SH3BGRL3: variants seen among roughly 807,000 people sequenced by gnomAD.
The protein encoded by SH3BGRL3 is SH3 domain-binding glutamic acid-rich-like protein 3.
In SH3BGRL3, 8 loss-of-function variants were observed where a neutral mutation model predicts 11.9. The ratio of observed to expected loss-of-function variants is 0.67; its 90% CI spans 0.40 to 1.22. The LOEUF (loss-of-function observed/expected upper bound fraction) is 1.22, where lower values mean the gene tolerates loss of function less well. SH3BGRL3 is among the 50% of genes most tolerant of loss of function. SH3BGRL3 has a pLI of 0.01. For missense variants in SH3BGRL3, 119 were observed against 120.1 expected (o/e 0.99, Z 0.04); for synonymous variants, 55 against 52.3 (o/e 1.05, Z -0.22).
At chr1:26,280,710 TC>T in intron 1 of SH3BGRL3, 54 bp from the exon 2 acceptor site, 2 of 1,595,126 alleles carry the variant, frequency 1.3e-6, no homozygotes, top group South Asian at 1.1e-5. Flanking sequence ...GCCCAGCATT[TC>T]CCCCATAAAT....
Position 26,280,091 on chromosome 1 carries a change from C to T in SH3BGRL3, c.-65C>T. 1 of 1,536,500 alleles carries T rather than the reference C, an allele frequency of 6.5e-7. No homozygotes were observed. The highest frequency in any genetic ancestry group is 8.8e-7 in the Non-Finnish European group (1 of 1,136,712). Reference sequence around the variant, plus strand: ...CTCCCGAGCACGGCGGCGGCGTCGTCTCCCGGCAGTGCAGCTGCCGCTACC... The same window carrying T: ...CTCCCGAGCACGGCGGCGGCGTCGTTTCCCGGCAGTGCAGCTGCCGCTACC... On this transcript the variant is annotated 5_prime_UTR_variant, in exon 1 of 3. Transcript: ENST00000270792.
In SH3BGRL3 at chr1:26,280,941, TGGGGGAC is replaced by T; in HGVS notation, c.216+15_216+21del. On this transcript the variant is annotated intron_variant, in intron 2 of 2. Transcript: ENST00000270792. ...GGGACCAGTACTGTGGGGTATGGGC[TGGGGGAC>T]GGGGGGGTGGGGGGAGTGTTGGAAG... 2 of 580,554 alleles carry T rather than the reference TGGGGGAC, an allele frequency of 3.4e-6. No homozygotes were observed. The highest frequency in any genetic ancestry group is 6.4e-6 in the Non-Finnish European group (2 of 314,932). The allele number at this position is 580,554 out of a possible 1,614,324, so 36.0% of individuals were successfully genotyped here. A position where few individuals can be genotyped will look rare whatever the true frequency, so the allele number is the denominator to read the frequency against.
At position 26,280,949 on chromosome 1, in the gene SH3BGRL3, G is replaced by T. The variant is rs140695506; in HGVS notation, c.216+17G>T. On this transcript the variant is annotated intron_variant, in intron 2 of 2. Coordinates refer to ENST00000270792, the MANE Select transcript of SH3BGRL3 (RefSeq NM_031286.4). Reference sequence around the variant, plus strand: ...TACTGTGGGGTATGGGCTGGGGGACGGGGGGGTGGGGGGAGTGTTGGAAGA... The same window carrying T: ...TACTGTGGGGTATGGGCTGGGGGACTGGGGGGTGGGGGGAGTGTTGGAAGA... The T allele has an allele frequency of 1.3e-6, 2 of 1,585,584 alleles. No homozygotes were observed. Among genetic ancestry groups the T allele is most frequent in the East Asian group, 2.3e-5 (1 of 44,304 alleles).
chr1:26,280,355 C>G, intron 1 of SH3BGRL3, 152 bp downstream of exon 1: 1 of 999,504 alleles, frequency 1.0e-6, no homozygotes, highest in Admixed American at 3.3e-5. Context: ...GACCCGGTCC[C>G]GAGGCCCCAT....
Position 26,281,118 on chromosome 1 carries a change from G to A in SH3BGRL3, c.277G>A (p.Ala93Thr). ...QNTLQEFLKLA is the reference protein window; with the variant it reads ...QNTLQEFLKLT ...CACGCTGCAGGAGTTCCTGAAGCTG[G>A]CTTGAGTCAAGCCTGTCCAGAGTTC... The change falls in exon 3 of 3, where the codon GCT becomes ACT. Residue 93 changes from alanine to threonine, a missense_variant. Physicochemically the swap from Ala to Thr is moderately conservative, Grantham distance 58 (BLOSUM62 0). Coordinates refer to ENST00000270792, the MANE Select transcript of SH3BGRL3 (RefSeq NM_031286.4). 2.5e-6 allele frequency: 4 copies of A among 1,613,720 alleles called. No homozygotes were observed. The highest frequency in any genetic ancestry group is 3.4e-6 in the Non-Finnish European group (4 of 1,179,902).
chr1:26,280,698 C>T, intron 1 of SH3BGRL3, 67 bp from the exon 2 acceptor site: 2 of 1,578,546 alleles, frequency 1.3e-6, no homozygotes, highest in Admixed American at 3.4e-5. Context: ...CTCTCTCACC[C>T]TGCCCAGCAT....
Position 26,281,135 on chromosome 1 carries a change from C to G in SH3BGRL3, c.*12C>G, listed in dbSNP as rs1461587367. ...TGAAGCTGGCTTGAGTCAAGCCTGTCCAGAGTTCCCCTGCTGGACTCCATC... is the reference window on the plus strand; with the variant it reads ...TGAAGCTGGCTTGAGTCAAGCCTGTGCAGAGTTCCCCTGCTGGACTCCATC... On this transcript the variant is annotated 3_prime_UTR_variant, in exon 3 of 3. Coordinates refer to ENST00000270792, the MANE Select transcript of SH3BGRL3 (RefSeq NM_031286.4). 1 of 1,612,616 alleles carries G rather than the reference C, an allele frequency of 6.2e-7. No individual in the cohort carries two copies. The highest frequency in any genetic ancestry group is 1.7e-5 in the Admixed American group (1 of 59,920).
chr1:26,281,062 A>AT lies in SH3BGRL3; in HGVS notation c.222dup (p.Glu75Ter), dbSNP rs1179774098. The stretch of plus-strand genomic sequence containing the variant: ...CCCTCGCCTCCCCTTCTCCAGGACT[A>AT]TGAGCTCTTCGTGGAGGCTGTGGAA... On this transcript the variant is annotated frameshift_variant, in exon 3 of 3. Transcript: ENST00000270792. LOFTEE classifies it high-confidence loss of function. 6.2e-7 allele frequency: 1 copy of AT among 1,614,002 alleles called. No homozygotes were observed. The highest frequency in any genetic ancestry group is 1.1e-5 in the South Asian group (1 of 91,072).
At chr1:26,280,692 C>T (rs1236355662) in intron 1 of SH3BGRL3, 73 bp from the exon 2 acceptor site, 4 of 1,565,966 alleles carry the variant, frequency 2.6e-6, no homozygotes, top group East Asian at 2.2e-5. Context: ...CACAGCCTCT[C>T]TCACCCTGCC....
intron 1 of SH3BGRL3, 80 bp from the exon 2 acceptor site, chr1:26,280,685 A>T (rs2072969000): frequency 1.9e-6 from 3 of 1,540,242 alleles, no homozygotes; most frequent in Non-Finnish European, 1.8e-6. Context: ...TCCTGGTCAC[A>T]GCCTCTCTCA....
Position 26,281,169 on chromosome 1 carries a change from C to A in SH3BGRL3, c.*46C>A, listed in dbSNP as rs765354214. 2 of 1,576,342 alleles carry A rather than the reference C, an allele frequency of 1.3e-6. No homozygotes were observed. Among genetic ancestry groups the A allele is most frequent in the African/African-American group, 1.3e-5 (1 of 74,224 alleles). The stretch of plus-strand genomic sequence containing the variant: ...CCCTGCTGGACTCCATCACCACACT[C>A]CCCCCAGCCTTCACCTGGCCATGAA... On this transcript the variant is annotated 3_prime_UTR_variant, in exon 3 of 3. Coordinates refer to ENST00000270792, the MANE Select transcript of SH3BGRL3 (RefSeq NM_031286.4).
At chr1:26,280,607 A>G (rs1364658942) in intron 1 of SH3BGRL3, among the ~76,000 whole-genome samples, 158 bp from the exon 2 acceptor site, 1 of 149,110 alleles carries the variant, frequency 6.7e-6, no homozygotes, top group East Asian at 2.0e-4. Flanking sequence ...CTCAAGCCTG[A>G]CTCATCCTCC....
Position 26,280,128 on chromosome 1 carries a change from C to T in SH3BGRL3, c.-28C>T, listed in dbSNP as rs1227119990. On this transcript the variant is annotated 5_prime_UTR_variant, in exon 1 of 3. Transcript: ENST00000270792. Reference sequence around the variant, plus strand: ...CAGCTGCCGCTACCGCCGCCCTCTGCCCGCCGGCCCGTCTGTCTACCCCCA... The same window carrying T: ...CAGCTGCCGCTACCGCCGCCCTCTGTCCGCCGGCCCGTCTGTCTACCCCCA... The T allele has an allele frequency of 2.6e-6, 4 of 1,555,430 alleles. No homozygotes were observed. In the East Asian group the frequency reaches 9.7e-5, roughly 38 times the overall value.
rs2072976397 is a variant in SH3BGRL3 at position 26,281,061 on chromosome 1, T to C, written c.220T>C (p.Tyr74His). Reference sequence around the variant, plus strand: ...CCCCTCGCCTCCCCTTCTCCAGGACTATGAGCTCTTCGTGGAGGCTGTGGA... The same window carrying C: ...CCCCTCGCCTCCCCTTCTCCAGGACCATGAGCTCTTCGTGGAGGCTGTGGA... Reference protein sequence around the residue: ...IVNGDQYCGDYELFVEAVEQN... With the variant: ...IVNGDQYCGDHELFVEAVEQN... Residue 74 changes from tyrosine to histidine, a missense_variant, in exon 3 of 3, where the codon TAT becomes CAT. Tyr to His is a moderately conservative substitution (Grantham distance 83). Transcript: ENST00000270792. 6.2e-7 allele frequency: 1 copy of C among 1,613,912 alleles called. No homozygotes were observed. The highest frequency in any genetic ancestry group is 1.7e-5 in the Admixed American group (1 of 59,990).
intron 2 of SH3BGRL3, 24 bp from the exon 3 acceptor site, chr1:26,281,034 C>G: frequency 6.2e-7 from 1 of 1,612,992 alleles, no homozygotes; most frequent in Middle Eastern, 1.7e-4. Flanking sequence ...TTCAGGTGAC[C>G]ACCCCTCGCC....
chr1:26,281,276 C>G lies in SH3BGRL3; in HGVS notation c.*153C>G. ...ATGCAGGCCACTTCTCCTCCCTCCTCTCTAAATGTAGTCCCCTCTCCTCCA... is the reference window on the plus strand; with the variant it reads ...ATGCAGGCCACTTCTCCTCCCTCCTGTCTAAATGTAGTCCCCTCTCCTCCA... On this transcript the variant is annotated 3_prime_UTR_variant, in exon 3 of 3. Coordinates refer to ENST00000270792, the MANE Select transcript of SH3BGRL3 (RefSeq NM_031286.4). The G allele has an allele frequency of 1.5e-6, 1 of 652,572 alleles. No individual in the cohort carries two copies. The highest frequency in any genetic ancestry group is 2.6e-6 in the Non-Finnish European group (1 of 379,130). 40.4% of individuals were successfully genotyped at this position (652,572 alleles called of 1,614,324 possible).
Position 26,281,315 on chromosome 1 carries a change from T to G in SH3BGRL3, c.*192T>G. 4 of 551,816 alleles carry G rather than the reference T, an allele frequency of 7.2e-6. No individual in the cohort carries two copies. The highest frequency in any genetic ancestry group is 3.2e-5 in the Admixed American group (1 of 31,178). The allele number at this position is 551,816 out of a possible 1,614,324, so 34.2% of individuals were successfully genotyped here. A position where few individuals can be genotyped will look rare whatever the true frequency, so the allele number is the denominator to read the frequency against. ...CCCTCTCCTCCATCTAAAGGCAACATTCCTTACCCATTAGTCTCAGAAATT... is the reference window on the plus strand; with the variant it reads ...CCCTCTCCTCCATCTAAAGGCAACAGTCCTTACCCATTAGTCTCAGAAATT... On this transcript the variant is annotated 3_prime_UTR_variant, in exon 3 of 3. Transcript: ENST00000270792.
At position 26,281,431 on chromosome 1, in the gene SH3BGRL3, G is replaced by C. The variant is rs1460778814; in HGVS notation, c.*308G>C. ...GCACTGGCTGATGGGCACCTCTGTT[G>C]GTTCCATCAGCCAGAGCTCTGCCAA... On this transcript the variant is annotated 3_prime_UTR_variant, in exon 3 of 3. Transcript: ENST00000270792. 1 of 321,450 alleles carries C rather than the reference G, an allele frequency of 3.1e-6. No individual in the cohort carries two copies. The highest frequency in any genetic ancestry group is 2.1e-5 in the African/African-American group (1 of 47,790). 19.9% of individuals were successfully genotyped at this position (321,450 alleles called of 1,614,324 possible). A position where few individuals can be genotyped will look rare whatever the true frequency, so the allele number is the denominator to read the frequency against.
chr1:26,280,351 G>GTC lies in SH3BGRL3; in HGVS notation c.48+149_48+150dup, dbSNP rs1252253335. On this transcript the variant is annotated intron_variant, in intron 1 of 2. Transcript: ENST00000270792. Reference sequence around the variant, plus strand: ...TGCTGGGCACGGTCTCCCGGACCCGGTCCCGAGGCCCCATCCTGAATGTCT... The same window carrying GTC: ...TGCTGGGCACGGTCTCCCGGACCCGGTCTCCCGAGGCCCCATCCTGAATGTCT... 8 of 1,014,330 alleles carry GTC rather than the reference G, an allele frequency of 7.9e-6. No individual in the cohort carries two copies. The African/African-American group carries it at 1.4e-4, about 17-fold the overall frequency. The allele number at this position is 1,014,330 out of a possible 1,614,324, so 62.8% of individuals were successfully genotyped here.
Sources: allele counts gnomAD v4.1 joint callset (sites outside exome capture counted in the v4.1 genomes callset), GRCh38; gene constraint gnomAD v4.1.1; transcripts MANE v1.5; gene names NCBI Gene and HGNC (gene_info 2026-07-23, HGNC 2026-07-21).